The following NCOA3 variants were observed in gnomAD, a reference collection of about 807,000 sequenced individuals.
NCOA3 encodes the protein nuclear receptor coactivator 3.
Under a neutral mutation model 158.8 loss-of-function variants are expected in NCOA3, and 51 were observed. The ratio of observed to expected loss-of-function variants is 0.32; its 90% CI spans 0.26 to 0.41. NCOA3 has a LOEUF of 0.41. Ranked by LOEUF, NCOA3 falls within the 10% of genes least tolerant of loss-of-function variation. The pLI is 1.00. For synonymous variants in NCOA3, 537 were observed against 592.4 expected (o/e 0.91, Z 1.36); for missense variants, 1,510 against 1,746.6 (o/e 0.86, Z 2.41).
At chr20:47,523,587 A>G (rs1180575382) in intron 1 of NCOA3, among the ~76,000 whole-genome samples, 2 of 152,218 alleles carry the variant, frequency 1.3e-5, no homozygotes, top group Non-Finnish European at 2.9e-5. Flanking sequence ...GGTTGTAGCC[A>G]CTTGGAGCTG....
intron 1 of NCOA3, among the ~76,000 whole-genome samples, chr20:47,529,489 T>C (rs911261979): frequency 2.0e-5 from 3 of 152,194 alleles, no homozygotes; most frequent in Non-Finnish European, 4.4e-5. Context: ...CTTGGCTCAC[T>C]GCAGCCTCCA....
chr20:47,556,805 G>T (rs1489939160), intron 1 of NCOA3, among the ~76,000 whole-genome samples: 1 of 152,154 alleles, frequency 6.6e-6, no homozygotes, highest in Non-Finnish European at 1.5e-5. Context: ...AAAGATGGTG[G>T]ACATCAATGT....
In NCOA3 at chr20:47,585,046, C is replaced by CTTTTTTTTTTTTT. The variant is rs11473989; in HGVS notation, c.-20+1798_-20+1810dup. Among the ~76,000 whole-genome samples, 12 of 91,318 alleles carry CTTTTTTTTTTTTT rather than the reference C, an allele frequency of 1.3e-4. 1 individual carries two copies. Among genetic ancestry groups the CTTTTTTTTTTTTT allele is most frequent in the East Asian group, 3.4e-4 (1 of 2,960 alleles). 59.9% of individuals were successfully genotyped at this position (91,318 alleles called of 152,430 possible). A position where few individuals can be genotyped will look rare whatever the true frequency, so the allele number is the denominator to read the frequency against. The stretch of plus-strand genomic sequence containing the variant: ...ACATTTCATCTAACCCCTTTCTTAA[C>CTTTTTTTTTTTTT]TTTTTTTTTTTTTTTTTTTTTTTTT... On this transcript the variant is annotated intron_variant, in intron 2 of 22. Transcript: ENST00000371998.
At chr20:47,574,074 G>A (rs1456023392) in intron 1 of NCOA3, among the ~76,000 whole-genome samples, 1 of 152,124 alleles carries the variant, frequency 6.6e-6, no homozygotes, top group African/African-American at 2.4e-5. Flanking sequence ...GCACAACAGA[G>A]TGACAAAATT....
rs1379190670 is a variant in NCOA3, at chr20:47,624,080, C to G, written c.253C>G (p.Gln85Glu). ...TVRQIRQIKE[Q>E]GKTISNDDDV... ...AAGACAGATACGTCAAATAAAAGAG[C>G]AAGGTAATAAAAACACTCATGTCTT... The change falls in exon 4 of 23, where the codon CAA becomes GAA. Residue 85 changes from glutamine to glutamate, a missense_variant. Around this residue, in one of 4 missense-constraint regions of NCOA3, gnomAD observed 309 missense variants for 427.1 expected, o/e 0.72. Coordinates refer to ENST00000371998, the MANE Select transcript of NCOA3 (RefSeq NM_181659.3). The G allele has an allele frequency of 2.5e-6, 4 of 1,600,032 alleles. No homozygotes were observed. Among genetic ancestry groups the G allele is most frequent in the African/African-American group, 1.4e-5 (1 of 73,944 alleles).
chr20:47,609,618 A>T (rs570602798), intron 2 of NCOA3, among the ~76,000 whole-genome samples: 1 of 152,080 alleles, frequency 6.6e-6, no homozygotes, highest in African/African-American at 2.4e-5. Flanking sequence ...AGTCCCAGCT[A>T]CTCAGGAGGC....
rs1255820667 is a variant in NCOA3 at position 47,628,016 on chromosome 20, T to A, written c.816T>A (p.Asp272Glu). ...SNPESFITRH[D>E]LSGKVVNIDT... is the part of the protein sequence containing the mutation. ...CTGAGAGCTTTATTACCAGACATGA[T>A]CTTTCAGGTAAAAACTCTTTTTTTG... The change falls in exon 8 of 23, where the codon GAT becomes GAA. Residue 272 changes from aspartate to glutamate, a missense_variant. Physicochemically the swap from Asp to Glu is conservative, Grantham distance 45. Transcript: ENST00000371998. 1 of 1,612,070 alleles carries A rather than the reference T, an allele frequency of 6.2e-7. No individual in the cohort carries two copies. The highest frequency in any genetic ancestry group is 8.5e-7 in the Non-Finnish European group (1 of 1,178,308).
chr20:47,605,143 G>A (rs2146266546), intron 2 of NCOA3, among the ~76,000 whole-genome samples: 1 of 152,348 alleles, frequency 6.6e-6, no homozygotes, highest in South Asian at 2.1e-4. Context: ...TGGGATAATA[G>A]GCGTGAGCCA....
intron 1 of NCOA3, among the ~76,000 whole-genome samples, chr20:47,552,085 C>G (rs914630894): frequency 7.9e-5 from 12 of 152,292 alleles, no homozygotes; most frequent in Non-Finnish European, 1.5e-4. Context: ...TCACTCATCA[C>G]TCATAGCCCT....
In NCOA3 at chr20:47,612,252, T is replaced by A. The variant is rs552531000; in HGVS notation, c.-19-9977T>A. Reference sequence around the variant, plus strand: ...CTGGAGTTTGAAAAGAGAAGAGGAATGGTGGTAGTTAAAAAAAAAATTTGT... The same window carrying A: ...CTGGAGTTTGAAAAGAGAAGAGGAAAGGTGGTAGTTAAAAAAAAAATTTGT... On this transcript the variant is annotated intron_variant, in intron 2 of 22. Coordinates refer to ENST00000371998, the MANE Select transcript of NCOA3 (RefSeq NM_181659.3). Among the ~76,000 whole-genome samples the A allele has an allele frequency of 3.6e-4, 55 of 152,046 alleles. 1 individual carries two copies. In the East Asian group the frequency reaches 9.3e-3, roughly 26 times the overall value.
intron 2 of NCOA3, among the ~76,000 whole-genome samples, chr20:47,591,523 T>C (rs1207549753): frequency 6.6e-6 from 1 of 152,220 alleles, no homozygotes; most frequent in Non-Finnish European, 1.5e-5. Context: ...TTCATCTTTA[T>C]AGATGTGCAT....
chr20:47,555,364 C>T (rs2084986973), intron 1 of NCOA3, among the ~76,000 whole-genome samples: 1 of 152,170 alleles, frequency 6.6e-6, no homozygotes, highest in African/African-American at 2.4e-5. Flanking sequence ...CAGGGCCCTG[C>T]ACTGATCTTC....
At chr20:47,537,168 A>G (rs2146119700) in intron 1 of NCOA3, among the ~76,000 whole-genome samples, 1 of 152,218 alleles carries the variant, frequency 6.6e-6, no homozygotes, top group South Asian at 2.1e-4. Context: ...TTTAGAGGAT[A>G]TGCTATCTAT....
intron 2 of NCOA3, among the ~76,000 whole-genome samples, chr20:47,614,075 A>C (rs1568727059): frequency 7.3e-5 from 11 of 151,592 alleles, no homozygotes; most frequent in Non-Finnish European, 1.0e-4. Flanking sequence ...CACGTTATAA[A>C]AGCTCTTCCC....
At chr20:47,631,128 C>G (rs2086409963) in intron 8 of NCOA3, 1 of 152,118 alleles carries the variant, frequency 6.6e-6, no homozygotes, top group East Asian at 1.9e-4. Context: ...ATAGAAAAGG[C>G]CTGAAAGCTG....
At position 47,502,370 on chromosome 20, in the gene NCOA3, G is replaced by C. The variant is rs957236854; in HGVS notation, c.-99+351G>C. Among the ~76,000 whole-genome samples the C allele has an allele frequency of 2.6e-5, 4 of 152,126 alleles. No individual in the cohort carries two copies. In the East Asian group the frequency reaches 7.7e-4, roughly 29 times the overall value. On this transcript the variant is annotated intron_variant, in intron 1 of 22. Coordinates refer to ENST00000371998, the MANE Select transcript of NCOA3 (RefSeq NM_181659.3). ...GTCCCTAAAGTTTTTTCTTCCTCTT[G>C]CCTCCCCCAGCCCTTTTGAAAGCTC...
intron 2 of NCOA3, among the ~76,000 whole-genome samples, chr20:47,588,033 A>G (rs926701842): frequency 6.6e-6 from 1 of 151,850 alleles, no homozygotes; most frequent in Admixed American, 6.6e-5. Flanking sequence ...GCATTTGTCT[A>G]TAATTCTTCT....
chr20:47,632,917 G>A (rs1400719474), intron 8 of NCOA3, among the ~76,000 whole-genome samples: 2 of 152,034 alleles, frequency 1.3e-5, no homozygotes, highest in Non-Finnish European at 2.9e-5. Flanking sequence ...TCTTGACCTC[G>A]TGATCTGCCT....
At chr20:47,537,181 A>G (rs532977180) in intron 1 of NCOA3, among the ~76,000 whole-genome samples, 1 of 152,282 alleles carries the variant, frequency 6.6e-6, no homozygotes, top group South Asian at 2.1e-4. Context: ...CTATCTATCC[A>G]TATACAACTG....
Sources: allele counts gnomAD v4.1 joint callset (sites outside exome capture counted in the v4.1 genomes callset), GRCh38; gene constraint gnomAD v4.1.1; regional missense constraint gnomAD v4.1.1; transcripts MANE v1.5; gene names NCBI Gene and HGNC (gene_info 2026-07-23, HGNC 2026-07-21).